MLLT3: variants seen among roughly 807,000 people sequenced by gnomAD.
The protein encoded by MLLT3 is MLLT3 super elongation complex subunit, also known as protein AF-9.
MLLT3 carries 4 observed loss-of-function variants against 53.2 expected under a neutral mutation model. That is an observed-to-expected ratio of 0.08 (90% CI 0.04 to 0.17). MLLT3 has a LOEUF of 0.17. Among genes scored for constraint, MLLT3 ranks in the 10% least tolerant of loss-of-function variants. The probability of loss-of-function intolerance (pLI) is 1.00; values close to 1 mark genes in which losing one functional copy is unlikely to be tolerated. For missense variants in MLLT3, 569 were observed against 684.0 expected (o/e 0.83, Z 1.87); for synonymous variants, 283 against 230.6 (o/e 1.23, Z -2.06).
At chr9:20,516,851 T>C (rs1310418626) in intron 2 of MLLT3, among the ~76,000 whole-genome samples, 1 of 152,220 alleles carries the variant, frequency 6.6e-6, no homozygotes, top group Non-Finnish European at 1.5e-5. Context: ...TACAACAGGA[T>C]GAGATAATTT....
rs1193948479 is a variant in MLLT3, at chr9:20,622,404, C to G, written c.-148G>C. ...TGGCGGACATTCTCTGCCTTTTTCC[C>G]CCCGCGCTCGCTTGCTCGCTCGCTC... On this transcript the variant is annotated 5_prime_UTR_variant, in exon 1 of 11. Coordinates refer to ENST00000380338, the MANE Select transcript of MLLT3 (RefSeq NM_004529.4). 1.4e-6 allele frequency: 1 copy of G among 728,444 alleles called. No homozygotes were observed. The highest frequency in any genetic ancestry group is 2.2e-6 in the Non-Finnish European group (1 of 460,786). 45.1% of individuals were successfully genotyped at this position (728,444 alleles called of 1,614,324 possible). A position where few individuals can be genotyped will look rare whatever the true frequency, so the allele number is the denominator to read the frequency against.
chr9:20,350,418 AC>A lies in MLLT3; in HGVS notation c.1575+3106del, dbSNP rs1413344880. Among the ~76,000 whole-genome samples, 5 of 151,760 alleles carry A rather than the reference AC, an allele frequency of 3.3e-5. 1 individual carries two copies. The East Asian group carries it at 5.8e-4, about 18-fold the overall frequency. ...AGACCAACCCGGCTAAAACGGTGAA[AC>A]CCCGTCTCTACTAAAAATACAAAAA... On this transcript the variant is annotated intron_variant, in intron 10 of 10. Transcript: ENST00000380338.
rs1007400267 is a variant in MLLT3, at chr9:20,463,177, T to C, written c.194-6391A>G. On this transcript the variant is annotated intron_variant, in intron 2 of 10. Transcript: ENST00000380338. ...AATTTGAGACTCCAAATTGGCTATATTGCAAAAATCTTAATGATGATACAT... is the reference window on the plus strand; with the variant it reads ...AATTTGAGACTCCAAATTGGCTATACTGCAAAAATCTTAATGATGATACAT... Among the ~76,000 whole-genome samples, 7 of 152,138 alleles carry C rather than the reference T, an allele frequency of 4.6e-5. No individual in the cohort carries two copies. The South Asian group carries it at 1.0e-3, about 22-fold the overall frequency.
Position 20,343,737 on chromosome 9 carries a change from C to G in MLLT3, c.*2706G>C, listed in dbSNP as rs1820798355. 4.6e-6 allele frequency: 1 copy of G among 216,302 alleles called. No homozygotes were observed. Among genetic ancestry groups the G allele is most frequent in the African/African-American group, 2.3e-5 (1 of 44,368 alleles). 13.4% of individuals were successfully genotyped at this position (216,302 alleles called of 1,614,324 possible). On this transcript the variant is annotated 3_prime_UTR_variant, in exon 11 of 11. Transcript: ENST00000380338. ...TGAAACATCTATTTATATATGTACA[C>G]CAAAGAAATTAAACCCTGCCATTTT... is the stretch of plus-strand genomic sequence containing the variant.
intron 2 of MLLT3, among the ~76,000 whole-genome samples, chr9:20,530,976 C>A (rs1818317406): frequency 6.6e-6 from 1 of 151,726 alleles, no homozygotes; most frequent in Admixed American, 6.6e-5. Flanking sequence ...ATTTTATTTA[C>A]ATCTTTTTAA....
intron 2 of MLLT3, among the ~76,000 whole-genome samples, chr9:20,589,126 G>A (rs10811373): frequency 0.39 from 54,050 of 140,268 alleles, 10,773 homozygotes; most frequent in Middle Eastern, 0.47. Context: ...CTATAAAGAC[G>A]CATGCACACG....
At chr9:20,512,620 G>A (rs1263473562) in intron 2 of MLLT3, among the ~76,000 whole-genome samples, 1 of 152,168 alleles carries the variant, frequency 6.6e-6, no homozygotes, top group Admixed American at 6.5e-5. Flanking sequence ...AGTTAAAAAT[G>A]CTGTTTCACT....
chr9:20,590,075 T>G (rs548035544), intron 2 of MLLT3, among the ~76,000 whole-genome samples: 6 of 152,150 alleles, frequency 3.9e-5, no homozygotes, highest in Non-Finnish European at 8.8e-5. Context: ...GAACAGCCCA[T>G]TTACAAAGTC....
chr9:20,559,443 C>A (rs1053875103), intron 2 of MLLT3, among the ~76,000 whole-genome samples: 1 of 152,138 alleles, frequency 6.6e-6, no homozygotes, highest in African/African-American at 2.4e-5. Context: ...CATTTTACAC[C>A]AGTGCAAAGG....
At position 20,608,352 on chromosome 9, in the gene MLLT3, A is replaced by G. The variant is rs527242265; in HGVS notation, c.193+12302T>C. 5.9e-5 allele frequency among the ~76,000 whole-genome samples: 9 copies of G among 152,078 alleles called. No individual in the cohort carries two copies. In the South Asian group the frequency reaches 1.7e-3, roughly 28 times the overall value. On this transcript the variant is annotated intron_variant, in intron 2 of 10. Coordinates refer to ENST00000380338, the MANE Select transcript of MLLT3 (RefSeq NM_004529.4). The stretch of plus-strand genomic sequence containing the variant: ...GCAAGATAGACATGTTAATTATCAA[A>G]GTTATCAAAACTCCACAGGAAAAAA...
intron 2 of MLLT3, among the ~76,000 whole-genome samples, chr9:20,489,566 C>G (rs540044327): frequency 8.5e-5 from 13 of 152,128 alleles, no homozygotes; most frequent in Non-Finnish European, 1.9e-4. Context: ...TTAACAGAAC[C>G]CTTCTATCTG....
At chr9:20,371,549 A>ATG (rs1304510080) in intron 5 of MLLT3, among the ~76,000 whole-genome samples, 5 of 152,220 alleles carry the variant, frequency 3.3e-5, no homozygotes, top group Admixed American at 3.3e-4. Context: ...ATAGGAATGG[A>ATG]ACAACAAAAC....
At chr9:20,353,159 C>T (rs1821077938) in intron 10 of MLLT3, among the ~76,000 whole-genome samples, 1 of 152,152 alleles carries the variant, frequency 6.6e-6, no homozygotes, top group Admixed American at 6.5e-5. Context: ...GACTCAAATT[C>T]TTATCACTGT....
intron 2 of MLLT3, among the ~76,000 whole-genome samples, chr9:20,512,058 G>A (rs942233346): frequency 2.6e-5 from 4 of 152,302 alleles, no homozygotes; most frequent in African/African-American, 7.2e-5. Flanking sequence ...AGCTGAAGAT[G>A]AGACACAGAC....
intron 2 of MLLT3, among the ~76,000 whole-genome samples, chr9:20,546,960 C>A (rs1318093892): frequency 6.6e-6 from 1 of 152,182 alleles, no homozygotes; most frequent in African/African-American, 2.4e-5. Context: ...CCCTGTCCAG[C>A]CTGCTGCCAC....
In MLLT3 at chr9:20,448,370, A is replaced by C; in HGVS notation, c.277-104T>G. 1.0e-6 allele frequency: 1 copy of C among 1,003,450 alleles called. No homozygotes were observed. Among genetic ancestry groups the C allele is most frequent in the Non-Finnish European group, 1.5e-6 (1 of 683,596 alleles). 62.2% of individuals were successfully genotyped at this position (1,003,450 alleles called of 1,614,324 possible). On this transcript the variant is annotated intron_variant, in intron 3 of 10. Coordinates refer to ENST00000380338, the MANE Select transcript of MLLT3 (RefSeq NM_004529.4). The surrounding 1 kb of genome is among the most constrained non-coding windows in gnomAD (Gnocchi z 4.0). ...ATAAGAAATAGAAAAGAACTAAGAC[A>C]TCTAACAGCTAAACTGTCAAAGTAG...
At chr9:20,423,294 G>C (rs1157142442) in intron 4 of MLLT3, among the ~76,000 whole-genome samples, 1 of 152,174 alleles carries the variant, frequency 6.6e-6, no homozygotes, top group East Asian at 1.9e-4. Context: ...GGCCAGAAAT[G>C]AAAGAAGATA....
At chr9:20,548,173 G>C (rs1374546971) in intron 2 of MLLT3, among the ~76,000 whole-genome samples, 1 of 152,170 alleles carries the variant, frequency 6.6e-6, no homozygotes, top group Non-Finnish European at 1.5e-5. Flanking sequence ...ATGAAATTTA[G>C]AATTCAATTC....
At chr9:20,567,081 G>A (rs1250539630) in intron 2 of MLLT3, among the ~76,000 whole-genome samples, 2 of 150,714 alleles carry the variant, frequency 1.3e-5, no homozygotes, top group African/African-American at 4.9e-5. Flanking sequence ...TAGAAAGTGG[G>A]TCTGAATTGT....
Sources: allele counts gnomAD v4.1 joint callset (sites outside exome capture counted in the v4.1 genomes callset), GRCh38; gene constraint gnomAD v4.1.1; non-coding constraint Gnocchi (gnomAD v3.1); transcripts MANE v1.5; gene names NCBI Gene and HGNC (gene_info 2026-07-23, HGNC 2026-07-21).